Variants in IQSEC3 observed in about 807,000 individuals in gnomAD.
IQSEC3 encodes the protein IQ motif and Sec7 domain ArfGEF 3.
A neutral mutation model predicts 105.4 loss-of-function variants in IQSEC3; 50 were observed. The ratio of observed to expected loss-of-function variants is 0.47; its 90% CI spans 0.38 to 0.60. The LOEUF (loss-of-function observed/expected upper bound fraction) is 0.60. Among genes scored for constraint, IQSEC3 ranks in the 20% least tolerant of loss-of-function variants. The probability of loss-of-function intolerance (pLI) is 0.00; values close to 1 mark genes in which losing one functional copy is unlikely to be tolerated. For missense variants in IQSEC3, 1,415 were observed against 1,630.0 expected (o/e 0.87, Z 2.27); for synonymous variants, 708 against 746.0 (o/e 0.95, Z 0.83).
At chr12:174,303 C>A (rs894295182) in intron 13 of IQSEC3, among the ~76,000 whole-genome samples, 1 of 152,134 alleles carries the variant, frequency 6.6e-6, no homozygotes, top group Non-Finnish European at 1.5e-5. Context: ...CCAGCAGGTC[C>A]ATGAAATCAG....
chr12:143,127 C>G (rs1244780026), intron 5 of IQSEC3: 1 of 152,502 alleles, frequency 6.6e-6, no homozygotes, highest in African/African-American at 2.4e-5. Context: ...AAACTAATTG[C>G]CCTCTTCCCT....
At position 152,672 on chromosome 12, in the gene IQSEC3, C is replaced by T. The variant is rs75142779; in HGVS notation, c.2154-4353C>T. Among the ~76,000 whole-genome samples, 5,848 of 152,236 alleles carry T rather than the reference C, an allele frequency of 0.038. 152 individuals carry two copies. The highest frequency in any genetic ancestry group is 0.056 in the Non-Finnish European group (3,841 of 68,020). ...ACAGAGAGCTCAGAGGGAACTCCCC[C>T]GACTTGAGTAAGGGACCTCCCTGCC... On this transcript the variant is annotated intron_variant, in intron 5 of 13. Transcript: ENST00000538872. The surrounding 1 kb of genome is among the most constrained non-coding windows in gnomAD (Gnocchi z 4.8).
At chr12:83,077 C>G (rs1212946021) in intron 1 of IQSEC3, among the ~76,000 whole-genome samples, 1 of 152,110 alleles carries the variant, frequency 6.6e-6, no homozygotes, top group African/African-American at 2.4e-5. Context: ...GGGTTCACAC[C>G]GGTGCTGTGG....
intron 8 of IQSEC3, among the ~76,000 whole-genome samples, chr12:162,563 A>G (rs1401344342): frequency 5.9e-5 from 9 of 152,184 alleles, no homozygotes; most frequent in African/African-American, 1.7e-4. Flanking sequence ...ACTTTATACT[A>G]TAAAGGATGT....
chr12:100,827 G>A (rs991591805), intron 2 of IQSEC3, among the ~76,000 whole-genome samples: 21 of 152,234 alleles, frequency 1.4e-4, no homozygotes, highest in South Asian at 4.1e-4. Flanking sequence ...AGAATGAAAC[G>A]GTGGAGGGAG....
At chr12:112,634 T>C (rs1236438356) in intron 2 of IQSEC3, among the ~76,000 whole-genome samples, 1 of 152,142 alleles carries the variant, frequency 6.6e-6, no homozygotes, top group Non-Finnish European at 1.5e-5. Context: ...CCCAGCTTCC[T>C]CAACCATAGC....
chr12:162,084 C>A lies in IQSEC3; in HGVS notation c.2583+19C>A. On this transcript the variant is annotated intron_variant, in intron 8 of 13. Transcript: ENST00000538872. ...GAAGACAGTGAGTGTCCACAAGCTA[C>A]CTATCTCCCGTCTCCTTTCCTTTCT... 6.2e-7 allele frequency: 1 copy of A among 1,612,450 alleles called. No homozygotes were observed. The highest frequency in any genetic ancestry group is 8.5e-7 in the Non-Finnish European group (1 of 1,179,140).
Position 135,321 on chromosome 12 carries a change from A to G in IQSEC3, c.904-2946A>G, listed in dbSNP as rs183451881. ...TATTCCAGGCCTCAGGGAATGTGTC[A>G]AAGTTCAGCAGGGAGAATGAGCCAA... On this transcript the variant is annotated intron_variant, in intron 3 of 13. Coordinates refer to ENST00000538872, the MANE Select transcript of IQSEC3 (RefSeq NM_001170738.2). 5.3e-5 allele frequency among the ~76,000 whole-genome samples: 8 copies of G among 152,352 alleles called. No individual in the cohort carries two copies. The East Asian group carries it at 1.5e-3, about 29-fold the overall frequency.
intron 7 of IQSEC3, among the ~76,000 whole-genome samples, chr12:160,865 CCT>C (rs554448814): frequency 2.6e-5 from 4 of 152,266 alleles, no homozygotes; most frequent in East Asian, 1.9e-4. Flanking sequence ...TGCCTGTGCC[CCT>C]GTTCTCTGTC....
intron 1 of IQSEC3, among the ~76,000 whole-genome samples, chr12:71,118 T>A (rs3852584): frequency 1 from 151,631 of 152,392 alleles, 75,437 homozygotes; most frequent in Middle Eastern, 1. Context: ...CTCTTCTCAT[T>A]CTGGCTGGAG....
At chr12:111,719 G>T (rs1864893291) in intron 2 of IQSEC3, 1 of 152,124 alleles carries the variant, frequency 6.6e-6, no homozygotes, top group Non-Finnish European at 1.5e-5. Context: ...GGCTTCTTCG[G>T]GGAGCTGAGA....
intron 3 of IQSEC3, among the ~76,000 whole-genome samples, chr12:135,764 CA>C (rs1865743351): frequency 6.6e-6 from 1 of 152,208 alleles, no homozygotes; most frequent in Non-Finnish European, 1.5e-5. Context: ...GGACAGCAGG[CA>C]ACCTCTAGTG....
At chr12:108,664 CCCACTGA>C (rs1384017965) in intron 2 of IQSEC3, among the ~76,000 whole-genome samples, 8 of 152,246 alleles carry the variant, frequency 5.3e-5, no homozygotes, top group Non-Finnish European at 1.2e-4. Context: ...CTTTCCAGGG[CCCACTGA>C]CCCCAGGAGG....
chr12:102,407 C>T (rs947574991), intron 2 of IQSEC3, among the ~76,000 whole-genome samples: 2 of 152,254 alleles, frequency 1.3e-5, no homozygotes, highest in African/African-American at 4.8e-5. Context: ...TGGCCATCCT[C>T]CTCTGCAGTC....
Position 138,246 on chromosome 12 carries a change from T to C in IQSEC3, c.904-21T>C, listed in dbSNP as rs782021951. ...CCCTTCCCCTCTGAGCCCTTCCTCC[T>C]CTCTGTCCTCGTCCTTGCAGATTGA... On this transcript the variant is annotated intron_variant, in intron 3 of 13. Coordinates refer to ENST00000538872, the MANE Select transcript of IQSEC3 (RefSeq NM_001170738.2). This position sits in a 1 kb window ranked among gnomAD's most constrained non-coding sequence, Gnocchi z 7.1. 6.3e-7 allele frequency: 1 copy of C among 1,591,288 alleles called. No homozygotes were observed. Among genetic ancestry groups the C allele is most frequent in the East Asian group, 2.2e-5 (1 of 44,576 alleles).
chr12:96,966 T>C lies in IQSEC3; in HGVS notation c.555-2180T>C, dbSNP rs78791459. Among the ~76,000 whole-genome samples, 400 of 152,322 alleles carry C rather than the reference T, an allele frequency of 2.6e-3. 2 individuals are homozygous for C. In the East Asian group the frequency reaches 0.028, roughly 11 times the overall value. On this transcript the variant is annotated intron_variant, in intron 1 of 13. Coordinates refer to ENST00000538872, the MANE Select transcript of IQSEC3 (RefSeq NM_001170738.2). ...CTCTCCACAGCCTCACCAGCACTCATAGTTAGCAGTCTTTTTAATGGGTAC... is the reference window on the plus strand; with the variant it reads ...CTCTCCACAGCCTCACCAGCACTCACAGTTAGCAGTCTTTTTAATGGGTAC...
intron 6 of IQSEC3, 33 bp downstream of exon 6, chr12:157,180 G>C: frequency 1.3e-6 from 2 of 1,507,328 alleles, no homozygotes; most frequent in Non-Finnish European, 1.8e-6. Context: ...CTCCCCAACA[G>C]ACCCCAGCGT....
chr12:72,574 C>T (rs74879132), intron 1 of IQSEC3, among the ~76,000 whole-genome samples: 6,632 of 128,762 alleles, frequency 0.052, 479 homozygotes, highest in Non-Finnish European at 0.089. Context: ...AGCAGACTCT[C>T]AGAGGTGAGG....
chr12:84,300 G>A (rs1555071471), intron 1 of IQSEC3, among the ~76,000 whole-genome samples: 1 of 152,190 alleles, frequency 6.6e-6, no homozygotes, highest in African/African-American at 2.4e-5. Context: ...CCCACATGCA[G>A]CCACAAGATG....
Sources: allele counts gnomAD v4.1 joint callset (sites outside exome capture counted in the v4.1 genomes callset), GRCh38; gene constraint gnomAD v4.1.1; non-coding constraint Gnocchi (gnomAD v3.1); transcripts MANE v1.5; gene names NCBI Gene and HGNC (gene_info 2026-07-23, HGNC 2026-07-21).